Variants in KDM4B observed in about 807,000 individuals in gnomAD.
KDM4B encodes the protein lysine-specific demethylase 4B.
In KDM4B, 32 loss-of-function variants were observed where a neutral mutation model predicts 125.2. The observed-to-expected ratio is 0.26, with a 90% CI of 0.19 to 0.34. The LOEUF is 0.34. Ranked by LOEUF, KDM4B falls within the 10% of genes least tolerant of loss-of-function variation. KDM4B has a pLI of 1.00. For missense variants in KDM4B, 1,190 were observed against 1,577.7 expected, an observed-to-expected ratio of 0.75 and a Z score of 4.16; for synonymous variants, 721 against 677.9, an observed-to-expected ratio of 1.06 and a Z score of -0.99.
chr19:5,076,126 C>G (rs1599563516), intron 7 of KDM4B: 1 of 116,052 alleles, frequency 8.6e-6, no homozygotes, highest in East Asian at 2.9e-4. Context: ...GTCGTGCTCT[C>G]TCGTTGACCG....
chr19:5,061,037 C>A (rs531311337), intron 6 of KDM4B, among the ~76,000 whole-genome samples: 2 of 152,290 alleles, frequency 1.3e-5, no homozygotes, highest in African/African-American at 4.8e-5. Flanking sequence ...GTATGAAGTT[C>A]GCACGGATCC....
At chr19:5,009,220 C>T (rs1394369315) in intron 1 of KDM4B, among the ~76,000 whole-genome samples, 4 of 152,010 alleles carry the variant, frequency 2.6e-5, no homozygotes, top group Non-Finnish European at 5.9e-5. Context: ...CGGCCTATTC[C>T]CTGCTTCCTT....
At chr19:5,126,407 G>A (rs150980121) in intron 11 of KDM4B, among the ~76,000 whole-genome samples, 3 of 152,300 alleles carry the variant, frequency 2.0e-5, no homozygotes, top group African/African-American at 4.8e-5. Flanking sequence ...CTGAGCCTCC[G>A]GGGAGGCCCC....
At chr19:5,066,280 G>A (rs575925381) in intron 6 of KDM4B, among the ~76,000 whole-genome samples, 2 of 152,240 alleles carry the variant, frequency 1.3e-5, no homozygotes, top group African/African-American at 4.8e-5. Flanking sequence ...TAAAAGAGAA[G>A]CTGGGAAGGT....
intron 2 of KDM4B, among the ~76,000 whole-genome samples, chr19:5,030,903 C>T (rs981335002): frequency 1.5e-4 from 23 of 152,350 alleles, no homozygotes; most frequent in African/African-American, 4.1e-4. Flanking sequence ...GCCTTTGGCC[C>T]GGCCTCTGAG....
intron 1 of KDM4B, among the ~76,000 whole-genome samples, chr19:4,972,781 A>G (rs1470769674): frequency 2.0e-5 from 3 of 151,780 alleles, no homozygotes; most frequent in Admixed American, 6.6e-5. Flanking sequence ...TCCCGGACAC[A>G]CTCCTCACCT....
chr19:5,108,510 A>G (rs2039078949), intron 9 of KDM4B, among the ~76,000 whole-genome samples: 1 of 152,154 alleles, frequency 6.6e-6, no homozygotes, highest in African/African-American at 2.4e-5. Flanking sequence ...GCTGCAGGAA[A>G]TTCCACAGGA....
chr19:5,058,588 G>C (rs1413226916), intron 6 of KDM4B, among the ~76,000 whole-genome samples: 2 of 152,206 alleles, frequency 1.3e-5, no homozygotes, highest in Non-Finnish European at 2.9e-5. Context: ...GTGGGAGCCG[G>C]GGCTGGCTCT....
At chr19:5,072,249 G>T (rs898805154) in intron 7 of KDM4B, among the ~76,000 whole-genome samples, 5 of 152,180 alleles carry the variant, frequency 3.3e-5, no homozygotes, top group African/African-American at 1.2e-4. Flanking sequence ...GGAAATAAGG[G>T]TCTCCTGTCC....
At chr19:5,105,674 C>T (rs1056295360) in intron 9 of KDM4B, among the ~76,000 whole-genome samples, 5 of 152,144 alleles carry the variant, frequency 3.3e-5, no homozygotes, top group African/African-American at 9.7e-5. Flanking sequence ...TGGCCTCAAG[C>T]GATCCTCCTG....
chr19:5,083,244 G>A (rs573359278), intron 9 of KDM4B, among the ~76,000 whole-genome samples: 12 of 152,206 alleles, frequency 7.9e-5, no homozygotes, highest in Admixed American at 2.0e-4. Flanking sequence ...TCGACCATGC[G>A]GAGGGTGTGG....
In KDM4B at chr19:5,151,459, C is replaced by T. The variant is rs922806542; in HGVS notation, c.3239C>T (p.Ala1080Val). 3.9e-6 allele frequency: 6 copies of T among 1,527,976 alleles called. No homozygotes were observed. The highest frequency in any genetic ancestry group is 1.4e-5 in the African/African-American group (1 of 71,318). 94.7% of individuals were successfully genotyped at this position (1,527,976 alleles called of 1,614,324 possible). Reference protein sequence around the residue: ...EDSGRSQDYVAFVESLLQVQG... With the variant: ...EDSGRSQDYVVFVESLLQVQG... The stretch of plus-strand genomic sequence containing the variant: ...TCCGGGCGGAGCCAGGACTACGTGG[C>T]CTTCGTGGAGAGCCTCCTGCAGGTG... The change falls in exon 23 of 23, where the codon GCC (alanine) becomes GTC (valine). Residue 1080 changes from alanine to valine, a missense_variant. By Grantham distance (64) the Ala-to-Val change is moderately conservative. Coordinates refer to ENST00000159111, the MANE Select transcript of KDM4B (RefSeq NM_015015.3).
At chr19:4,976,401 G>A (rs138246149) in intron 1 of KDM4B, among the ~76,000 whole-genome samples, 2,726 of 152,188 alleles carry the variant, frequency 0.018, 40 homozygotes, top group Middle Eastern at 0.061. Flanking sequence ...GGAACGCTTC[G>A]CTGTTTGAGA....
intron 1 of KDM4B, among the ~76,000 whole-genome samples, chr19:5,008,635 G>C (rs1395477545): frequency 6.9e-6 from 1 of 144,030 alleles, no homozygotes; most frequent in Non-Finnish European, 1.5e-5. Context: ...CTGTCACCCA[G>C]ACTGGAGTGC....
intron 2 of KDM4B, among the ~76,000 whole-genome samples, chr19:5,020,375 G>A (rs181089856): frequency 4.9e-4 from 74 of 152,148 alleles, no homozygotes; most frequent in African/African-American, 1.7e-3. Flanking sequence ...GTGGACATGC[G>A]TTTTTGTTTC....
intron 9 of KDM4B, among the ~76,000 whole-genome samples, chr19:5,090,396 CT>C: frequency 1.9e-5 from 1 of 51,356 alleles, no homozygotes; most frequent in African/African-American, 1.0e-4. Context: ...CTCTCCCCCT[CT>C]CTCTCTCTCT....
chr19:5,077,494 G>A (rs762535924), intron 8 of KDM4B, 24 bp downstream of exon 8: 8 of 1,596,244 alleles, frequency 5.0e-6, no homozygotes, highest in South Asian at 1.1e-5. Context: ...GGGCCTGCAC[G>A]CCTGTGGGTG....
chr19:4,994,337 C>T (rs149944700), intron 1 of KDM4B, among the ~76,000 whole-genome samples: 3,936 of 151,556 alleles, frequency 0.026, 54 homozygotes, highest in South Asian at 0.062. Context: ...TTTGGGAGGC[C>T]GAGGCGGGTG....
At chr19:5,119,575 GC>G in intron 10 of KDM4B, 77 bp from the exon 11 acceptor site, 3 of 1,381,576 alleles carry the variant, frequency 2.2e-6, no homozygotes, top group Non-Finnish European at 3.0e-6. Context: ...GGGGCTGCGT[GC>G]TGCCGGACAG....
Sources: gnomAD v4.1 joint callset for allele counts (sites outside exome capture counted in the v4.1 genomes callset) on GRCh38, gnomAD v4.1.1 for gene constraint, MANE v1.5 for transcripts, NCBI Gene and HGNC (gene_info 2026-07-23, HGNC 2026-07-21) for gene names.